The following TJP1 variants were observed in gnomAD, a reference collection of about 807,000 sequenced individuals.
TJP1 encodes tight junction protein ZO-1.
In TJP1, 43 loss-of-function variants were observed where a neutral mutation model predicts 194.2. That is an observed-to-expected ratio of 0.22 (90% CI 0.17 to 0.29). The LOEUF (loss-of-function observed/expected upper bound fraction) is 0.29. Among genes scored for constraint, TJP1 ranks in the 10% least tolerant of loss-of-function variants. TJP1 has a pLI of 1.00. For missense variants in TJP1, 1,971 were observed against 2,185.7 expected (o/e 0.90, Z 1.96); for synonymous variants, 801 against 779.0 (o/e 1.03, Z -0.47).
In TJP1 at chr15:29,701,421, TTTTC is replaced by T; in HGVS notation, c.*170_*173del. 3 of 537,162 alleles carry T rather than the reference TTTTC, an allele frequency of 5.6e-6. No individual in the cohort carries two copies. Among genetic ancestry groups the T allele is most frequent in the South Asian group, 3.1e-5 (1 of 32,502 alleles). 33.3% of individuals were successfully genotyped at this position (537,162 alleles called of 1,614,324 possible). A position where few individuals can be genotyped will look rare whatever the true frequency, so the allele number is the denominator to read the frequency against. Reference sequence around the variant, plus strand: ...TCACAAACATGCAGTGTGTAGCATGTTTTCCGACCATGGTTCAGGGGCATGCTCA... The same window carrying T: ...TCACAAACATGCAGTGTGTAGCATGTCGACCATGGTTCAGGGGCATGCTCA... On this transcript the variant is annotated 3_prime_UTR_variant, in exon 28 of 28. Transcript: ENST00000614355.
At position 29,705,622 on chromosome 15, in the gene TJP1, G is replaced by A. The variant is rs755521613; in HGVS notation, c.4974C>T (p.Ile1658=). ...SSIETGVSII[I]PQGAIPEGVE... ...CTCCTTCGGGAATGGCTCCTTGAGG[G>A]ATAATTATACTAACACCAGTTTCTA... Residue 1658 remains isoleucine (I), a synonymous_variant, in exon 26 of 28, where the codon ATC becomes ATT. Coordinates refer to ENST00000614355, the MANE Select transcript of TJP1 (RefSeq NM_001330239.4). The A allele has an allele frequency of 1.1e-5, 17 of 1,614,084 alleles. No homozygotes were observed. The highest frequency in any genetic ancestry group is 1.4e-5 in the Non-Finnish European group (17 of 1,180,050).
At chr15:29,739,761 T>C (rs1256625952) in intron 10 of TJP1, among the ~76,000 whole-genome samples, 1 of 152,056 alleles carries the variant, frequency 6.6e-6, no homozygotes, top group East Asian at 1.9e-4. Flanking sequence ...TGGAATCTTA[T>C]CATTACAGTT....
chr15:29,875,029 G>A (rs2052649823), intron 2 of TJP1, among the ~76,000 whole-genome samples: 1 of 152,166 alleles, frequency 6.6e-6, no homozygotes, highest in Non-Finnish European at 1.5e-5. Context: ...GTTGTAGTAA[G>A]CAGAAAAGTG....
chr15:29,847,716 C>T (rs1475647212), intron 2 of TJP1, among the ~76,000 whole-genome samples: 1 of 152,158 alleles, frequency 6.6e-6, no homozygotes, highest in African/African-American at 2.4e-5. Flanking sequence ...ACCCGGGAGG[C>T]GGAGGTTGCA....
intron 1 of TJP1, among the ~76,000 whole-genome samples, chr15:29,807,004 G>A (rs1342122875): frequency 1.3e-5 from 2 of 152,064 alleles, no homozygotes; most frequent in Admixed American, 1.3e-4. Context: ...TTAAAATAAT[G>A]ATCAAAATAA....
chr15:29,826,140 AT>A (rs999648054), upstream of TJP1, among the ~76,000 whole-genome samples: 690 of 104,994 alleles, frequency 6.6e-3, 6 homozygotes, highest in East Asian at 0.014. Flanking sequence ...ACACCATTTC[AT>A]TTTTTTTTTT....
chr15:29,949,659 CCTCCACAACCACCACCTCCACCTT>C (rs2055544295), intron 2 of TJP1, among the ~76,000 whole-genome samples: 1 of 123,160 alleles, frequency 8.1e-6, no homozygotes, highest in African/African-American at 2.8e-5. Context: ...ACCACCTCCA[CCTCCACAACCACCACCTCCACCTT>C]CACCACCACC....
At chr15:29,800,549 T>TCC in intron 2 of TJP1, 97 bp downstream of exon 2, 3 of 1,186,930 alleles carry the variant, frequency 2.5e-6, no homozygotes, top group Non-Finnish European at 3.6e-6. Context: ...AGTTTCCTCC[T>TCC]CCCTCTGGCT....
chr15:29,822,411 GGCC>G lies in TJP1; in HGVS notation c.-386_-384del, dbSNP rs1368686575. ...GCCACGTAACTTCCCGGGAACCGGC[GGCC>G]GCCAAGGAACGCGGCGTCCGCTGGC... On this transcript the variant is annotated 5_prime_UTR_variant, in exon 1 of 28. Coordinates refer to ENST00000614355, the MANE Select transcript of TJP1 (RefSeq NM_001330239.4). 1.0e-6 allele frequency: 1 copy of G among 994,682 alleles called. No individual in the cohort carries two copies. Among genetic ancestry groups the G allele is most frequent in the African/African-American group, 1.7e-5 (1 of 57,598 alleles). The allele number at this position is 994,682 out of a possible 1,614,324, so 61.6% of individuals were successfully genotyped here. A position where few individuals can be genotyped will look rare whatever the true frequency, so the allele number is the denominator to read the frequency against.
rs78977021 is a variant in TJP1 at position 29,780,798 on chromosome 15, T to C, written c.85-7441A>G. Reference sequence around the variant, plus strand: ...TGAAATTTTAAAAGGTCATTTTAGATAGGAATATAAGACCAAAAAACATCT... The same window carrying C: ...TGAAATTTTAAAAGGTCATTTTAGACAGGAATATAAGACCAAAAAACATCT... On this transcript the variant is annotated intron_variant, in intron 2 of 27. Coordinates refer to ENST00000614355, the MANE Select transcript of TJP1 (RefSeq NM_001330239.4). 4.0e-3 allele frequency among the ~76,000 whole-genome samples: 616 copies of C among 152,206 alleles called. 16 individuals are homozygous for C. The East Asian group carries it at 0.076, about 19-fold the overall frequency.
chr15:29,816,180 A>G (rs1395072269), intron 1 of TJP1, among the ~76,000 whole-genome samples: 1 of 151,956 alleles, frequency 6.6e-6, no homozygotes, highest in Non-Finnish European at 1.5e-5. Context: ...GGCATGTGCT[A>G]CCACACCCGG....
intron 2 of TJP1, among the ~76,000 whole-genome samples, chr15:29,945,473 A>G (rs1027867505): frequency 6.6e-6 from 1 of 152,186 alleles, no homozygotes; most frequent in Non-Finnish European, 1.5e-5. Flanking sequence ...TTGAGATAAG[A>G]GCTCCTCTAC....
Position 29,791,688 on chromosome 15 carries a change from C to T in TJP1, c.84+8958G>A, listed in dbSNP as rs186086225. Among the ~76,000 whole-genome samples the T allele has an allele frequency of 1.4e-4, 22 of 152,152 alleles. No homozygotes were observed. The East Asian group carries it at 2.7e-3, about 19-fold the overall frequency. On this transcript the variant is annotated intron_variant, in intron 2 of 27. Transcript: ENST00000614355. ...GATTACAGGCGTGAGCCACCATGCC[C>T]GGCCTCCATGCTATTCTTCATAGTG...
At chr15:29,922,019 A>T (rs535997611) in intron 2 of TJP1, among the ~76,000 whole-genome samples, 2 of 151,738 alleles carry the variant, frequency 1.3e-5, no homozygotes, top group African/African-American at 4.8e-5. Context: ...TAATTTTTCC[A>T]TGTTTTTAGT....
intron 2 of TJP1, among the ~76,000 whole-genome samples, chr15:29,784,686 AT>A (rs1204112157): frequency 6.6e-6 from 1 of 152,128 alleles, no homozygotes; most frequent in Non-Finnish European, 1.5e-5. Flanking sequence ...CACAGGAAAT[AT>A]TGTCTTTATG....
chr15:29,740,985 T>C, intron 10 of TJP1: 1 of 211,710 alleles, frequency 4.7e-6, no homozygotes, highest in East Asian at 1.7e-4. Flanking sequence ...ATGCCACTAG[T>C]GCTGAGATTG....
At chr15:29,823,641 A>G (rs1244127193), upstream of TJP1, 3 of 152,238 alleles carry the variant, frequency 2.0e-5, no homozygotes, top group Non-Finnish European at 4.4e-5. Flanking sequence ...AGTGCCACAC[A>G]TCTTGCAACC....
At chr15:29,922,396 A>T (rs1205586104) in intron 2 of TJP1, among the ~76,000 whole-genome samples, 1 of 152,196 alleles carries the variant, frequency 6.6e-6, no homozygotes, top group African/African-American at 2.4e-5. Context: ...TGCAAAGGTC[A>T]GCTAAAGTTG....
At chr15:29,758,190 TAAA>T (rs1243772963) in intron 8 of TJP1, among the ~76,000 whole-genome samples, 1 of 152,168 alleles carries the variant, frequency 6.6e-6, no homozygotes, top group Non-Finnish European at 1.5e-5. Context: ...TTTGGGAAGT[TAAA>T]AATCACAGGT....
Sources: allele counts gnomAD v4.1 joint callset (sites outside exome capture counted in the v4.1 genomes callset), GRCh38; gene constraint gnomAD v4.1.1; transcripts MANE v1.5; gene names NCBI Gene and HGNC (gene_info 2026-07-23, HGNC 2026-07-21).